Variants in TTF2 observed in about 807,000 individuals in gnomAD.
The protein encoded by TTF2 is transcription termination factor 2.
Under a neutral mutation model 142.4 loss-of-function variants are expected in TTF2, and 108 were observed. The observed-to-expected ratio is 0.76, with a 90% confidence interval of 0.65 to 0.89. The LOEUF is 0.89. TTF2 is among the 40% of genes least tolerant of loss of function. The pLI is 0.00. For missense variants in TTF2, 1,327 were observed against 1,379.8 expected, an observed-to-expected ratio of 0.96 and a Z score of 0.61; for synonymous variants, 483 against 506.2, an observed-to-expected ratio of 0.95 and a Z score of 0.61.
At position 117,063,592 on chromosome 1, in the gene TTF2, A is replaced by T. The variant is rs571724184; in HGVS notation, c.218+1119A>T. On this transcript the variant is annotated intron_variant, in intron 3 of 22. Coordinates refer to ENST00000369466, the MANE Select transcript of TTF2 (RefSeq NM_003594.4). The surrounding 1 kb of genome is among the most constrained non-coding windows in gnomAD (Gnocchi z 4.1). ...TCATTCATTTTTATTGTGGAGTTGA[A>T]TTTCATTTATAAATGCACCACTTTG... Among the ~76,000 whole-genome samples the T allele has an allele frequency of 2.0e-5, 3 of 152,350 alleles. No individual in the cohort carries two copies. The South Asian group carries it at 6.2e-4, about 32-fold the overall frequency.
At chr1:117,094,498 G>C (rs1391509341) in intron 18 of TTF2, 1 of 428,862 alleles carries the variant, frequency 2.3e-6, no homozygotes, top group Non-Finnish European at 4.7e-6. Flanking sequence ...GGACTCAAGT[G>C]CACCCTAAGG....
Position 117,076,384 on chromosome 1 carries a change from C to G in TTF2, c.1390+90C>G. 1 of 1,084,876 alleles carries G rather than the reference C, an allele frequency of 9.2e-7. No homozygotes were observed. Among genetic ancestry groups the G allele is most frequent in the Non-Finnish European group, 1.3e-6 (1 of 751,828 alleles). 67.2% of individuals were successfully genotyped at this position (1,084,876 alleles called of 1,614,324 possible). ...CCTTTTAATAAAGAATGTGTTGATT[C>G]ATTCACTTTTCCATTTTATTATCTG... is the stretch of plus-strand genomic sequence containing the variant. On this transcript the variant is annotated intron_variant, in intron 6 of 22. Coordinates refer to ENST00000369466, the MANE Select transcript of TTF2 (RefSeq NM_003594.4). This position sits in a 1 kb window ranked among gnomAD's most constrained non-coding sequence, Gnocchi z 4.6.
chr1:117,072,570 A>G (rs1375859519), intron 3 of TTF2, among the ~76,000 whole-genome samples: 1 of 151,644 alleles, frequency 6.6e-6, no homozygotes, highest in Admixed American at 6.6e-5. Flanking sequence ...GACTACAGGC[A>G]TGTGCCACCA....
At chr1:117,068,461 C>T (rs575830871) in intron 3 of TTF2, among the ~76,000 whole-genome samples, 13 of 150,980 alleles carry the variant, frequency 8.6e-5, no homozygotes, top group African/African-American at 1.9e-4. Context: ...AGTTAATGGG[C>T]GCAACACACC....
chr1:117,092,181 GTTTAT>G lies in TTF2; in HGVS notation c.2805+235_2805+239del, dbSNP rs1389329242. Among the ~76,000 whole-genome samples the G allele has an allele frequency of 6.6e-6, 1 of 152,038 alleles. No individual in the cohort carries two copies. Among genetic ancestry groups the G allele is most frequent in the African/African-American group, 2.4e-5 (1 of 41,394 alleles). ...GCATCAAGAATAGTGTATTTCTATT[GTTTAT>G]TTTGTTTTAGATTAACTGTTTAAGA... is the stretch of plus-strand genomic sequence containing the variant. On this transcript the variant is annotated intron_variant, in intron 17 of 22. Coordinates refer to ENST00000369466, the MANE Select transcript of TTF2 (RefSeq NM_003594.4). The surrounding 1 kb of genome is among the most constrained non-coding windows in gnomAD (Gnocchi z 4.4).
Position 117,075,341 on chromosome 1 carries a change from C to A in TTF2, c.757C>A (p.Pro253Thr), listed in dbSNP as rs1486404687. The change falls in exon 5 of 23, where the codon CCT (proline) becomes ACT (threonine). Residue 253 changes from proline (P) to threonine (T), a missense_variant. By Grantham distance (38) the Pro-to-Thr change is conservative. Transcript: ENST00000369466. The surrounding 1 kb of genome is among the most constrained non-coding windows in gnomAD (Gnocchi z 4.5). ...KSQDVQRESE[P>T]LREKVTQLLP... ...TCAAGATGTCCAAAGAGAATCAGAA[C>A]CTCTGAGAGAAAAGGTTACCCAGCT... 5 of 1,614,180 alleles carry A rather than the reference C, an allele frequency of 3.1e-6. No homozygotes were observed. The highest frequency in any genetic ancestry group is 4.2e-6 in the Non-Finnish European group (5 of 1,180,038).
chr1:117,078,683 G>A (rs1422579705), intron 8 of TTF2, among the ~76,000 whole-genome samples: 2 of 152,200 alleles, frequency 1.3e-5, no homozygotes, highest in Non-Finnish European at 2.9e-5. Context: ...GATTAGATCT[G>A]AATAACTCAA....
Position 117,091,937 on chromosome 1 carries a change from C to G in TTF2, c.2792C>G (p.Ser931Cys). 1 of 1,612,192 alleles carries G rather than the reference C, an allele frequency of 6.2e-7. No individual in the cohort carries two copies. Among genetic ancestry groups the G allele is most frequent in the Non-Finnish European group, 8.5e-7 (1 of 1,179,432 alleles). Residue 931 changes from serine to cysteine, a missense_variant, in exon 17 of 23, where the codon TCT becomes TGT. By Grantham distance (112) the Ser-to-Cys change is moderately radical. Transcript: ENST00000369466. ...LRLRQCCCHL[S>C]LLKSALDPME... ...CTCCGCCAGTGTTGCTGTCATCTTT[C>G]TTTACTGAAGTCGGTAAGAAAAGCC...
At position 117,102,770 on chromosome 1, in the gene TTF2, A is replaced by G. The variant is rs2101290240; in HGVS notation, c.*1246A>G. ...CAATACTAATAATACTATTGGTACA[A>G]TCCAATACTAATAATACTATTGGTA... On this transcript the variant is annotated 3_prime_UTR_variant, in exon 23 of 23. Transcript: ENST00000369466. The G allele has an allele frequency of 6.6e-6, 1 of 152,354 alleles. No homozygotes were observed. Among genetic ancestry groups the G allele is most frequent in the Non-Finnish European group, 1.5e-5 (1 of 68,042 alleles). The allele number at this position is 152,354 out of a possible 1,614,324, so 9.4% of individuals were successfully genotyped here.
At chr1:117,089,916 A>G (rs1258211061) in intron 13 of TTF2, 139 bp from the exon 14 acceptor site, 3 of 955,332 alleles carry the variant, frequency 3.1e-6, no homozygotes, top group Admixed American at 2.7e-5. Context: ...GTTTGCTATG[A>G]AATTCACTTT....
intron 11 of TTF2, among the ~76,000 whole-genome samples, chr1:117,084,826 A>C (rs1647868683): frequency 6.6e-6 from 1 of 152,212 alleles, no homozygotes; most frequent in African/African-American, 2.4e-5. Context: ...GGATGAGAAC[A>C]AAGTTATTTC....
intron 13 of TTF2, 92 bp downstream of exon 13, chr1:117,089,074 C>T: frequency 1.5e-6 from 2 of 1,359,438 alleles, no homozygotes; most frequent in Non-Finnish European, 2.0e-6. Flanking sequence ...TAGTATGTGC[C>T]AGATTATCTT....
In TTF2 at chr1:117,085,380, CCATCTCTACCAAAAATACAAAAAT is replaced by C. The variant is rs1054378442; in HGVS notation, c.2055-1036_2055-1013del. Among the ~76,000 whole-genome samples the C allele has an allele frequency of 1.4e-4, 22 of 152,074 alleles. No homozygotes were observed. Among genetic ancestry groups the C allele is most frequent in the Non-Finnish European group, 2.6e-4 (18 of 68,014 alleles). On this transcript the variant is annotated intron_variant, in intron 11 of 22. Coordinates refer to ENST00000369466, the MANE Select transcript of TTF2 (RefSeq NM_003594.4). The surrounding 1 kb of genome is among the most constrained non-coding windows in gnomAD (Gnocchi z 4.7). ...ACCAGCCTAGGCAACATGGTGAAAC[CCATCTCTACCAAAAATACAAAAAT>C]TAGCTGGGTGTGGTGGTGTGCACTT... is the stretch of plus-strand genomic sequence containing the variant.
chr1:117,081,766 G>T, intron 9 of TTF2, 62 bp from the exon 10 acceptor site: 2 of 1,571,992 alleles, frequency 1.3e-6, no homozygotes, highest in South Asian at 2.4e-5. Context: ...TTCTCCTCTT[G>T]AACTAGGGTT....
In TTF2 at chr1:117,085,152, C is replaced by T. The variant is rs770772411; in HGVS notation, c.2054+984C>T. On this transcript the variant is annotated intron_variant, in intron 11 of 22. Coordinates refer to ENST00000369466, the MANE Select transcript of TTF2 (RefSeq NM_003594.4). This position sits in a 1 kb window ranked among gnomAD's most constrained non-coding sequence, Gnocchi z 4.7. ...TGGTATTTAGAATGTACTAGTTGAC[C>T]GATTAGAATCATTCTGAATTATACT... Among the ~76,000 whole-genome samples the T allele has an allele frequency of 3.9e-5, 6 of 152,230 alleles. No individual in the cohort carries two copies. The highest frequency in any genetic ancestry group is 7.2e-5 in the African/African-American group (3 of 41,544).
At position 117,090,429 on chromosome 1, in the gene TTF2, T is replaced by C. The variant is rs1010982667; in HGVS notation, c.2497-103T>C. The C allele has an allele frequency of 2.4e-6, 3 of 1,235,956 alleles. No homozygotes were observed. Among genetic ancestry groups the C allele is most frequent in the Non-Finnish European group, 1.2e-6 (1 of 865,860 alleles). The allele number at this position is 1,235,956 out of a possible 1,614,324, so 76.6% of individuals were successfully genotyped here. On this transcript the variant is annotated intron_variant, in intron 14 of 22. Transcript: ENST00000369466. This position sits in a 1 kb window ranked among gnomAD's most constrained non-coding sequence, Gnocchi z 4.8. The stretch of plus-strand genomic sequence containing the variant: ...TGTCTAAGAAAGGGTGGAAGCTGCA[T>C]TCCAGGGTTGACTAGATATGCAGTG...
At chr1:117,069,506 C>T (rs557532611) in intron 3 of TTF2, among the ~76,000 whole-genome samples, 35 of 152,218 alleles carry the variant, frequency 2.3e-4, no homozygotes, top group Non-Finnish European at 4.9e-4. Context: ...GCAGAGTGAT[C>T]AGCCAGTGTG....
At position 117,096,167 on chromosome 1, in the gene TTF2, G is replaced by A; in HGVS notation, c.3054G>A (p.Trp1018Ter). The A allele has an allele frequency of 6.2e-7, 1 of 1,613,888 alleles. No homozygotes were observed. The highest frequency in any genetic ancestry group is 1.1e-5 in the South Asian group (1 of 91,048). The change falls in exon 20 of 23, where the codon TGG becomes TGA. Residue 1018 changes from tryptophan (W) to a stop codon, truncating the protein, a stop_gained. Coordinates refer to ENST00000369466, the MANE Select transcript of TTF2 (RefSeq NM_003594.4). LOFTEE classifies it high-confidence loss of function. Reference protein sequence around the residue: ...ASQKSVIVSQWTNMLKVVALH... With the variant: ...ASQKSVIVSQ Reference sequence around the variant, plus strand: ...TTTCCAGTGTCATTGTCTCTCAGTGGACCAACATGCTGAAAGTTGTAGCAT... The same window carrying A: ...TTTCCAGTGTCATTGTCTCTCAGTGAACCAACATGCTGAAAGTTGTAGCAT...
intron 16 of TTF2, 92 bp downstream of exon 16, chr1:117,091,502 G>T: frequency 7.5e-7 from 1 of 1,336,290 alleles, no homozygotes; most frequent in Non-Finnish European, 1.0e-6. Context: ...ATGAATCCTT[G>T]GTATCAGAGA....
Sources: gnomAD v4.1 joint callset for allele counts (sites outside exome capture counted in the v4.1 genomes callset) on GRCh38, gnomAD v4.1.1 for gene constraint, Gnocchi (gnomAD v3.1) non-coding constraint, MANE v1.5 for transcripts, NCBI Gene and HGNC (gene_info 2026-07-23, HGNC 2026-07-21) for gene names.